SLC26A5: variants seen among roughly 807,000 people sequenced by gnomAD.
SLC26A5 encodes the protein solute carrier family 26 member 5.
SLC26A5 carries 51 observed loss-of-function variants against 81.0 expected under a neutral mutation model. The observed-to-expected ratio is 0.63, with a 90% CI of 0.50 to 0.80. SLC26A5 has a LOEUF of 0.80. Ranked by LOEUF, SLC26A5 falls within the 30% of genes least tolerant of loss-of-function variation. The probability of loss-of-function intolerance (pLI) is 0.00; values close to 1 mark genes in which losing one functional copy is unlikely to be tolerated. For synonymous variants in SLC26A5, 325 were observed against 332.8 expected (o/e 0.98, Z 0.25); for missense variants, 771 against 905.8 (o/e 0.85, Z 1.91).
chr7:103,392,856 C>T lies in SLC26A5; in HGVS notation c.1119+63G>A. On this transcript the variant is annotated intron_variant, in intron 10 of 19. Transcript: ENST00000306312. ...CCTCCCGAAGTGCTGGGATTACAGG[C>T]GTGAGCCAGACATTGGTGATTGTAC... is the stretch of plus-strand genomic sequence containing the variant. 3.1e-6 allele frequency: 5 copies of T among 1,602,400 alleles called. No individual in the cohort carries two copies. In the South Asian group the frequency reaches 3.3e-5, roughly 11 times the overall value.
chr7:103,398,157 C>T, intron 8 of SLC26A5, 143 bp from the exon 9 acceptor site: 2 of 723,514 alleles, frequency 2.8e-6, no homozygotes, highest in Admixed American at 4.1e-5. Flanking sequence ...CCATTAGCTT[C>T]AACAATTCTA....
intron 4 of SLC26A5, among the ~76,000 whole-genome samples, chr7:103,419,422 T>C (rs979115113): frequency 1.3e-5 from 2 of 152,190 alleles, no homozygotes; most frequent in African/African-American, 4.8e-5. Context: ...CTTTGTACCA[T>C]ACCCAATTCT....
intron 11 of SLC26A5, among the ~76,000 whole-genome samples, chr7:103,391,016 C>A (rs544459037): frequency 6.6e-6 from 1 of 152,144 alleles, no homozygotes; most frequent in Non-Finnish European, 1.5e-5. Flanking sequence ...CAGGCATCCG[C>A]CACCATGCCC....
chr7:103,374,471 T>G lies in SLC26A5; in HGVS notation c.2163A>C (p.Glu721Asp). 6.2e-7 allele frequency: 1 copy of G among 1,613,580 alleles called. No individual in the cohort carries two copies. The change falls in exon 20 of 20, where the codon GAA becomes GAC. Residue 721 changes from glutamate to aspartate, a missense_variant. By Grantham distance (45) the Glu-to-Asp change is conservative. Coordinates refer to ENST00000306312, the MANE Select transcript of SLC26A5 (RefSeq NM_198999.3). ...LGSQLREALA[E>D]QEASAPPSQE... The stretch of plus-strand genomic sequence containing the variant: ...GGGAAGGGGGAGCCGAGGCTTCCTG[T>G]TCAGCAAGTGCCTCTCTAAGTTGGC...
rs373575260 is a variant in SLC26A5, at chr7:103,386,346, T to A, written c.1514+2662A>T. 9.2e-5 allele frequency among the ~76,000 whole-genome samples: 14 copies of A among 152,002 alleles called. No homozygotes were observed. The East Asian group carries it at 1.9e-3, about 21-fold the overall frequency. Reference sequence around the variant, plus strand: ...ACTTTGGGAGTCCGAGGTGGGCAGATTGCGAGGTCAGGAGGTCGACACCAT... The same window carrying A: ...ACTTTGGGAGTCCGAGGTGGGCAGAATGCGAGGTCAGGAGGTCGACACCAT... On this transcript the variant is annotated intron_variant, in intron 14 of 19. Coordinates refer to ENST00000306312, the MANE Select transcript of SLC26A5 (RefSeq NM_198999.3).
chr7:103,396,593 A>G (rs1823129272), intron 9 of SLC26A5, among the ~76,000 whole-genome samples: 2 of 152,228 alleles, frequency 1.3e-5, no homozygotes, highest in African/African-American at 4.8e-5. Flanking sequence ...CAAATGCTGT[A>G]TGATTCCACT....
intron 19 of SLC26A5, among the ~76,000 whole-genome samples, chr7:103,375,877 T>G (rs1821319495): frequency 6.6e-6 from 1 of 152,076 alleles, no homozygotes; most frequent in African/African-American, 2.4e-5. Flanking sequence ...TGCCTCAGCC[T>G]TCCGAGTAGC....
chr7:103,410,446 A>T lies in SLC26A5; in HGVS notation c.674T>A (p.Met225Lys), dbSNP rs1416866855. ...TAAAVHVFTSMLKYLFGVKTK... is the reference protein window; with the variant it reads ...TAAAVHVFTSKLKYLFGVKTK... ...TTTAACTCCAAACAGATATTTTAAC[A>T]TGGAGGTGAAGACATGCACAGCTGC... The change falls in exon 7 of 20, where the codon ATG becomes AAG. Residue 225 changes from methionine to lysine, a missense_variant. Met to Lys is a moderately conservative substitution (Grantham distance 95). Coordinates refer to ENST00000306312, the MANE Select transcript of SLC26A5 (RefSeq NM_198999.3). The T allele has an allele frequency of 6.2e-7, 1 of 1,614,078 alleles. No homozygotes were observed. The highest frequency in any genetic ancestry group is 1.1e-5 in the South Asian group (1 of 91,086).
At chr7:103,356,803 T>C (rs924734403) in intron 19 of SLC26A5, among the ~76,000 whole-genome samples, 1 of 152,228 alleles carries the variant, frequency 6.6e-6, no homozygotes, top group African/African-American at 2.4e-5. Flanking sequence ...ATTTCCATTA[T>C]ACCTTTTGGG....
intron 10 of SLC26A5, 93 bp from the exon 11 acceptor site, chr7:103,391,828 C>T: frequency 2.2e-6 from 2 of 901,918 alleles, no homozygotes; most frequent in Non-Finnish European, 1.8e-6. Context: ...GTCAGCACTA[C>T]AGCCTATCTC....
At position 103,397,956 on chromosome 7, in the gene SLC26A5, T is replaced by C. The variant is rs1240409973; in HGVS notation, c.947A>G (p.Asp316Gly). 4 of 1,614,014 alleles carry C rather than the reference T, an allele frequency of 2.5e-6. No homozygotes were observed. The highest frequency in any genetic ancestry group is 3.4e-6 in the Non-Finnish European group (4 of 1,179,956). ...CCCTAGAGGAAGTGTTCCAACGACA[T>C]CCACATTGTATGATTCTTTCAAGTT... Reference protein sequence around the residue: ...GFNLKESYNVDVVGTLPLGLL... With the variant: ...GFNLKESYNVGVVGTLPLGLL... Residue 316 changes from aspartate (D) to glycine (G), a missense_variant, in exon 9 of 20, where the codon GAT (aspartate) becomes GGT (glycine). Transcript: ENST00000306312.
chr7:103,355,431 T>G (rs1819976183), intron 19 of SLC26A5, among the ~76,000 whole-genome samples: 1 of 152,078 alleles, frequency 6.6e-6, no homozygotes, highest in Admixed American at 6.5e-5. Context: ...GCTGGGGTGA[T>G]TTTGCCCCAC....
At chr7:103,387,609 G>A (rs1200498045) in intron 14 of SLC26A5, among the ~76,000 whole-genome samples, 1 of 152,158 alleles carries the variant, frequency 6.6e-6, no homozygotes, top group Non-Finnish European at 1.5e-5. Context: ...GGCTCTGAGA[G>A]GCATGCAAAA....
chr7:103,379,186 T>C (rs1586212495), intron 16 of SLC26A5, 57 bp downstream of exon 16: 2 of 1,203,534 alleles, frequency 1.7e-6, no homozygotes, highest in East Asian at 2.3e-5. Context: ...GTGATCCTCA[T>C]ATCCCTGTCA....
chr7:103,375,643 A>G (rs1404883496), intron 19 of SLC26A5, among the ~76,000 whole-genome samples: 1 of 152,178 alleles, frequency 6.6e-6, no homozygotes, highest in East Asian at 1.9e-4. Flanking sequence ...TATGTTGCTT[A>G]GGCTGGTCTT....
chr7:103,429,626 ATCT>A (rs1165190734), intron 2 of SLC26A5, among the ~76,000 whole-genome samples: 19 of 152,334 alleles, frequency 1.2e-4, no homozygotes, highest in African/African-American at 4.1e-4. Flanking sequence ...TATATTATCT[ATCT>A]GTTTTCCCTT....
intron 4 of SLC26A5, among the ~76,000 whole-genome samples, chr7:103,414,658 C>G (rs529365847): frequency 5.3e-5 from 8 of 152,284 alleles, no homozygotes; most frequent in African/African-American, 1.9e-4. Context: ...TTTATCCATT[C>G]ATCTACTGAA....
At chr7:103,365,904 G>A (rs1379458485) in intron 19 of SLC26A5, among the ~76,000 whole-genome samples, 1 of 152,018 alleles carries the variant, frequency 6.6e-6, no homozygotes, top group Admixed American at 6.6e-5. Flanking sequence ...CTCCAGCCTG[G>A]GCGACAGAGG....
chr7:103,389,491 ACTGTCCTC>A, intron 12 of SLC26A5, 67 bp from the exon 13 acceptor site: 1 of 1,154,766 alleles, frequency 8.7e-7, no homozygotes, highest in Non-Finnish European at 1.3e-6. Flanking sequence ...CTGGTTCCTC[ACTGTCCTC>A]CTGCTGTCCT....
Sources: gnomAD v4.1 joint callset for allele counts (sites outside exome capture counted in the v4.1 genomes callset) on GRCh38, gnomAD v4.1.1 for gene constraint, MANE v1.5 for transcripts, NCBI Gene and HGNC (gene_info 2026-07-23, HGNC 2026-07-21) for gene names.